Variants in KCNH8 observed in about 807,000 individuals in gnomAD.
The protein encoded by KCNH8 is voltage-gated delayed rectifier potassium channel KCNH8.
In KCNH8, 70 loss-of-function variants were observed where a neutral mutation model predicts 103.6. That is an observed-to-expected ratio of 0.68 (90% CI 0.56 to 0.82). KCNH8 has a LOEUF of 0.82. Among genes scored for constraint, KCNH8 ranks in the 40% least tolerant of loss-of-function variants. The pLI is 0.00. For missense variants in KCNH8, 1,217 were observed against 1,329.9 expected (o/e 0.92, Z 1.32); for synonymous variants, 498 against 489.4 (o/e 1.02, Z -0.23).
chr3:19,222,145 G>A (rs748478661), intron 1 of KCNH8, among the ~76,000 whole-genome samples: 5 of 152,118 alleles, frequency 3.3e-5, no homozygotes, highest in Non-Finnish European at 7.4e-5. Context: ...CACTGCGCCC[G>A]GCCTAGCATC....
chr3:19,335,472 T>C lies in KCNH8; in HGVS notation c.443-7115T>C, dbSNP rs189908814. The stretch of plus-strand genomic sequence containing the variant: ...ATATATATATGTGTGTGTGTGTATA[T>C]ATATGTGTGTGTATATATATATATA... On this transcript the variant is annotated intron_variant, in intron 3 of 15. Transcript: ENST00000328405. Among the ~76,000 whole-genome samples, 5 of 84,612 alleles carry C rather than the reference T, an allele frequency of 5.9e-5. No individual in the cohort carries two copies. The East Asian group carries it at 2.0e-3, about 34-fold the overall frequency. The allele number at this position is 84,612 out of a possible 152,430, so 55.5% of individuals were successfully genotyped here.
chr3:19,267,332 G>T (rs1018413469), intron 2 of KCNH8, among the ~76,000 whole-genome samples: 3 of 152,024 alleles, frequency 2.0e-5, no homozygotes, highest in African/African-American at 4.8e-5. Context: ...AATGTGAAAA[G>T]AATACGTATT....
intron 1 of KCNH8, among the ~76,000 whole-genome samples, chr3:19,222,096 G>A (rs560450562): frequency 2.6e-5 from 4 of 152,108 alleles, no homozygotes; most frequent in South Asian, 4.1e-4. Flanking sequence ...TGATCCTCCC[G>A]CCTCGGCCTC....
At chr3:19,474,491 T>A (rs1489642093) in intron 11 of KCNH8, among the ~76,000 whole-genome samples, 1 of 152,128 alleles carries the variant, frequency 6.6e-6, no homozygotes, top group African/African-American at 2.4e-5. Flanking sequence ...GCAAGCTAAA[T>A]TTCAAATTAA....
At chr3:19,507,054 C>T (rs1354203410) in intron 11 of KCNH8, among the ~76,000 whole-genome samples, 1 of 152,092 alleles carries the variant, frequency 6.6e-6, no homozygotes. Flanking sequence ...AGAAACACAG[C>T]GCCCCTGCCA....
intron 5 of KCNH8, among the ~76,000 whole-genome samples, chr3:19,385,081 G>A (rs927637956): frequency 1.3e-5 from 2 of 152,164 alleles, no homozygotes; most frequent in Non-Finnish European, 2.9e-5. Context: ...ACTGAGAGAT[G>A]AACTTGACGA....
At chr3:19,358,428 T>C (rs1361304193) in intron 5 of KCNH8, among the ~76,000 whole-genome samples, 1 of 151,868 alleles carries the variant, frequency 6.6e-6, no homozygotes. Flanking sequence ...CCACAGATTC[T>C]CACTGAAAGA....
At chr3:19,466,649 A>AT (rs869048680) in intron 11 of KCNH8, among the ~76,000 whole-genome samples, 635 of 50,648 alleles carry the variant, frequency 0.013, 32 homozygotes, top group East Asian at 0.022. Flanking sequence ...GTAGCAATAC[A>AT]TTTTTTTTTT....
intron 11 of KCNH8, among the ~76,000 whole-genome samples, chr3:19,467,458 G>A (rs1210054843): frequency 6.6e-6 from 1 of 152,100 alleles, no homozygotes; most frequent in African/African-American, 2.4e-5. Flanking sequence ...TGAAATCTTT[G>A]ACAGTCATGC....
At chr3:19,400,158 A>G (rs1035470604) in intron 7 of KCNH8, among the ~76,000 whole-genome samples, 8 of 135,778 alleles carry the variant, frequency 5.9e-5, no homozygotes, top group Middle Eastern at 4.8e-3. Context: ...TGGAAAGTGG[A>G]GCCCTGTGTC....
Position 19,472,774 on chromosome 3 carries a change from G to C in KCNH8, c.2040+15792G>C, listed in dbSNP as rs1393470282. On this transcript the variant is annotated intron_variant, in intron 11 of 15. Coordinates refer to ENST00000328405, the MANE Select transcript of KCNH8 (RefSeq NM_144633.3). ...CGTTAATCAGAATATCTCCTTTGCA[G>C]AGAGGACATTCACATTTGGGTAAAT... Among the ~76,000 whole-genome samples, 5 of 152,164 alleles carry C rather than the reference G, an allele frequency of 3.3e-5. No individual in the cohort carries two copies. The East Asian group carries it at 9.6e-4, about 29-fold the overall frequency.
chr3:19,451,139 T>C lies in KCNH8; in HGVS notation c.1576-16T>C. 1 of 1,612,978 alleles carries C rather than the reference T, an allele frequency of 6.2e-7. No homozygotes were observed. Among genetic ancestry groups the C allele is most frequent in the Non-Finnish European group, 8.5e-7 (1 of 1,179,116 alleles). On this transcript the variant is annotated splice_polypyrimidine_tract_variant and intron_variant, in intron 9 of 15. Coordinates refer to ENST00000328405, the MANE Select transcript of KCNH8 (RefSeq NM_144633.3). ...ACTTACCCCAATTTGATTTCCTCCT[T>C]CATCTTCTCTGACAGCTTTTGAAAG...
chr3:19,432,028 C>CTTA (rs72571855), intron 7 of KCNH8, among the ~76,000 whole-genome samples: 1 of 11,246 alleles, frequency 8.9e-5, no homozygotes, highest in Non-Finnish European at 1.4e-4. Context: ...TATTTTTTAA[C>CTTA]TGCTAGTTTT....
intron 3 of KCNH8, among the ~76,000 whole-genome samples, chr3:19,317,072 T>C (rs1301395840): frequency 6.6e-6 from 1 of 151,908 alleles, no homozygotes. Context: ...TTCTATTCTT[T>C]CACACTCAAG....
At chr3:19,458,868 G>C (rs2067576351) in intron 11 of KCNH8, among the ~76,000 whole-genome samples, 1 of 151,906 alleles carries the variant, frequency 6.6e-6, no homozygotes, top group Admixed American at 6.6e-5. Context: ...TCTATACGTG[G>C]CATATTTCAC....
chr3:19,499,232 T>C (rs2068519834), intron 11 of KCNH8, among the ~76,000 whole-genome samples: 1 of 151,374 alleles, frequency 6.6e-6, no homozygotes, highest in South Asian at 2.1e-4. Flanking sequence ...AGAAGGGAAG[T>C]TTAGAGAAAA....
rs866029810 is a variant in KCNH8 at position 19,517,973 on chromosome 3, A to G, written c.2543-25A>G. The stretch of plus-strand genomic sequence containing the variant: ...TATAAGGTTTATTCCTAAAGGACTC[A>G]TTCTGTATGTGTGTCACTTTTCAGA... On this transcript the variant is annotated intron_variant, in intron 14 of 15. Coordinates refer to ENST00000328405, the MANE Select transcript of KCNH8 (RefSeq NM_144633.3). 9 of 1,592,702 alleles carry G rather than the reference A, an allele frequency of 5.7e-6. No individual in the cohort carries two copies. The Middle Eastern group carries it at 1.2e-3, about 207-fold the overall frequency.
intron 1 of KCNH8, among the ~76,000 whole-genome samples, chr3:19,231,581 T>G (rs984875145): frequency 6.6e-6 from 1 of 152,196 alleles, no homozygotes; most frequent in South Asian, 2.1e-4. Context: ...GGCTTAGGTA[T>G]ATAGTGTTGA....
intron 11 of KCNH8, among the ~76,000 whole-genome samples, chr3:19,491,031 T>C (rs2068308670): frequency 6.6e-6 from 1 of 152,202 alleles, no homozygotes; most frequent in African/African-American, 2.4e-5. Context: ...TGGTATGAAG[T>C]GTTAATCATC....
Sources: gnomAD v4.1 joint callset for allele counts (sites outside exome capture counted in the v4.1 genomes callset) on GRCh38, gnomAD v4.1.1 for gene constraint, MANE v1.5 for transcripts, NCBI Gene and HGNC (gene_info 2026-07-23, HGNC 2026-07-21) for gene names.